The following ZNF616 variants were observed in gnomAD, a reference collection of about 807,000 sequenced individuals.
ZNF616 encodes zinc finger protein 616.
ZNF616 carries 5 observed loss-of-function variants against 7.6 expected under a neutral mutation model. The ratio of observed to expected loss-of-function variants is 0.66; its 90% confidence interval spans 0.34 to 1.38. ZNF616 has a LOEUF of 1.38. Ranked by LOEUF, ZNF616 falls within the 40% of genes most tolerant of loss-of-function variation. The pLI is 0.04. For synonymous variants in ZNF616, 319 were observed against 317.2 expected (o/e 1.01, Z -0.06); for missense variants, 913 against 948.3 (o/e 0.96, Z 0.49).
intron 3 of ZNF616, among the ~76,000 whole-genome samples, chr19:52,120,119 T>C (rs2088854696): frequency 6.6e-6 from 1 of 152,188 alleles, no homozygotes; most frequent in South Asian, 2.1e-4. Flanking sequence ...CAGGAAATTG[T>C]TGTCAAGGTT....
Position 52,114,667 on chromosome 19 carries a change from A to T in ZNF616, c.*151T>A. ...ACGCTACATCTTTCTCAGTTTGAGA[A>T]ATCCACTTCCATGATTCAATCACCT... is the stretch of plus-strand genomic sequence containing the variant. On this transcript the variant is annotated 3_prime_UTR_variant, in exon 4 of 4. Transcript: ENST00000600228. The T allele has an allele frequency of 1.1e-6, 1 of 902,664 alleles. No homozygotes were observed. Among genetic ancestry groups the T allele is most frequent in the Non-Finnish European group, 1.6e-6 (1 of 615,640 alleles). 55.9% of individuals were successfully genotyped at this position (902,664 alleles called of 1,614,324 possible). A position where few individuals can be genotyped will look rare whatever the true frequency, so the allele number is the denominator to read the frequency against.
chr19:52,121,378 T>A (rs2088863380), intron 3 of ZNF616, among the ~76,000 whole-genome samples: 1 of 152,140 alleles, frequency 6.6e-6, no homozygotes, highest in African/African-American at 2.4e-5. Flanking sequence ...GAAAAAAAAT[T>A]AGAATATCAA....
At chr19:52,127,682 C>T (rs16983514) in intron 2 of ZNF616, among the ~76,000 whole-genome samples, 3,548 of 152,274 alleles carry the variant, frequency 0.023, 130 homozygotes, top group African/African-American at 0.081. Context: ...AGCAACCACT[C>T]TTTAAACTGT....
intron 1 of ZNF616, among the ~76,000 whole-genome samples, chr19:52,130,953 G>T (rs968015119): frequency 3.3e-5 from 5 of 152,206 alleles, no homozygotes; most frequent in Admixed American, 6.5e-5. Flanking sequence ...GAGGCTGGAA[G>T]CTCAATGCTG....
chr19:52,124,164 G>T, intron 2 of ZNF616, 115 bp from the exon 3 acceptor site: 2 of 1,327,114 alleles, frequency 1.5e-6, no homozygotes, highest in Non-Finnish European at 1.0e-6. Context: ...TATCTATATG[G>T]CATCTGTGAG....
At chr19:52,117,081 C>T (rs45468391) in intron 3 of ZNF616, 57 bp from the exon 4 acceptor site, 196,641 of 1,421,444 alleles carry the variant, frequency 0.14, 25,932 homozygotes, top group African/African-American at 0.64. Flanking sequence ...GATAAACAAA[C>T]ATTTTATATT....
At chr19:52,129,144 GGTGCACGCCT>G (rs1236997513) in intron 2 of ZNF616, among the ~76,000 whole-genome samples, 2 of 151,918 alleles carry the variant, frequency 1.3e-5, no homozygotes, top group Non-Finnish European at 2.9e-5. Flanking sequence ...CAGGCGTGGT[GGTGCACGCCT>G]GTAATCCCAG....
chr19:52,134,912 C>T (rs79534402), intron 1 of ZNF616, among the ~76,000 whole-genome samples: 2 of 152,070 alleles, frequency 1.3e-5, no homozygotes, highest in Admixed American at 6.5e-5. Flanking sequence ...ATTGTTGCAG[C>T]AGACAGAGGT....
chr19:52,113,283 C>G lies in ZNF616; in HGVS notation c.*1535G>C, dbSNP rs2088787030. Reference sequence around the variant, plus strand: ...AAAGATGTGTAGTCTGTTTAAAAAACTGGTTGAAATTTGTGCCACATTGAT... The same window carrying G: ...AAAGATGTGTAGTCTGTTTAAAAAAGTGGTTGAAATTTGTGCCACATTGAT... On this transcript the variant is annotated 3_prime_UTR_variant, in exon 4 of 4. Coordinates refer to ENST00000600228, the MANE Select transcript of ZNF616 (RefSeq NM_178523.5). 1 of 152,142 alleles carries G rather than the reference C, an allele frequency of 6.6e-6. No individual in the cohort carries two copies. The highest frequency in any genetic ancestry group is 1.5e-5 in the Non-Finnish European group (1 of 68,030). The allele number at this position is 152,142 out of a possible 1,614,324, so 9.4% of individuals were successfully genotyped here. A position where few individuals can be genotyped will look rare whatever the true frequency, so the allele number is the denominator to read the frequency against.
intron 1 of ZNF616, among the ~76,000 whole-genome samples, chr19:52,136,555 T>G (rs2089010846): frequency 6.6e-6 from 1 of 151,416 alleles, no homozygotes; most frequent in Non-Finnish European, 1.5e-5. Flanking sequence ...ACCTCATACC[T>G]CTTAGGAAGG....
chr19:52,130,556 T>TTGA lies in ZNF616; in HGVS notation c.-45_-44insTCA. 1.3e-6 allele frequency: 2 copies of TTGA among 1,593,990 alleles called. No homozygotes were observed. The highest frequency in any genetic ancestry group is 1.7e-6 in the Non-Finnish European group (2 of 1,172,376). ...CCTCTTCTTCCTCTTCTGGGTTTCT[T>TTGA]TCTCAGTCAATGTAATTATTCACAC... is the stretch of plus-strand genomic sequence containing the variant. On this transcript the variant is annotated 5_prime_UTR_variant, in exon 2 of 4. Coordinates refer to ENST00000600228, the MANE Select transcript of ZNF616 (RefSeq NM_178523.5).
At chr19:52,134,197 C>A (rs2088988438) in intron 1 of ZNF616, among the ~76,000 whole-genome samples, 2 of 152,044 alleles carry the variant, frequency 1.3e-5, no homozygotes, top group Admixed American at 6.5e-5. Flanking sequence ...AAGAAAATTC[C>A]AAAAAAGAAA....
At chr19:52,134,362 C>T (rs563491842) in intron 1 of ZNF616, among the ~76,000 whole-genome samples, 14 of 152,146 alleles carry the variant, frequency 9.2e-5, no homozygotes, top group Non-Finnish European at 1.5e-4. Flanking sequence ...TGATTTTGTC[C>T]TTCAACAATA....
chr19:52,135,159 C>T (rs1322673385), intron 1 of ZNF616, among the ~76,000 whole-genome samples: 2 of 152,140 alleles, frequency 1.3e-5, no homozygotes, highest in East Asian at 3.9e-4. Context: ...TAAACTGAGA[C>T]AGGTTTACAA....
intron 1 of ZNF616, among the ~76,000 whole-genome samples, chr19:52,136,470 C>G (rs1396371320): frequency 6.6e-6 from 1 of 151,852 alleles, no homozygotes; most frequent in Non-Finnish European, 1.5e-5. Context: ...ATACAAATGA[C>G]CAACAGGTAT....
chr19:52,136,884 G>A (rs1209077893), intron 1 of ZNF616, among the ~76,000 whole-genome samples: 2 of 151,624 alleles, frequency 1.3e-5, no homozygotes, highest in East Asian at 1.9e-4. Context: ...ACAAAACAGC[G>A]GGACCATGTC....
At chr19:52,124,318 G>C (rs538961000) in intron 2 of ZNF616, among the ~76,000 whole-genome samples, 1 of 152,336 alleles carries the variant, frequency 6.6e-6, no homozygotes, top group Non-Finnish European at 1.5e-5. Flanking sequence ...CTTAAAAAGT[G>C]TTAGATATTA....
chr19:52,127,824 CTTA>C (rs959541277), intron 2 of ZNF616, among the ~76,000 whole-genome samples: 1 of 152,060 alleles, frequency 6.6e-6, no homozygotes, highest in Non-Finnish European at 1.5e-5. Flanking sequence ...GCTATTACTG[CTTA>C]TTAACAAAAA....
chr19:52,118,038 A>T (rs2122144844), intron 3 of ZNF616, among the ~76,000 whole-genome samples: 1 of 152,192 alleles, frequency 6.6e-6, no homozygotes, highest in Non-Finnish European at 1.5e-5. Flanking sequence ...CACTCCTAAG[A>T]CTCAAGCGAT....
Sources: gnomAD v4.1 joint callset for allele counts (sites outside exome capture counted in the v4.1 genomes callset) on GRCh38, gnomAD v4.1.1 for gene constraint, MANE v1.5 for transcripts, NCBI Gene and HGNC (gene_info 2026-07-23, HGNC 2026-07-21) for gene names.